SEC23A: variants seen among roughly 807,000 people sequenced by gnomAD.
SEC23A encodes SEC23 homolog A, COPII component, also known as protein transport protein Sec23A.
SEC23A carries 56 observed loss-of-function variants against 103.7 expected under a neutral mutation model. The observed-to-expected ratio is 0.54, with a 90% CI of 0.44 to 0.67. The LOEUF is 0.67. Ranked by LOEUF, SEC23A falls within the 30% of genes least tolerant of loss-of-function variation. The probability of loss-of-function intolerance (pLI) is 0.00; values close to 1 mark genes in which losing one functional copy is unlikely to be tolerated. For missense variants in SEC23A, 784 were observed against 936.4 expected, an observed-to-expected ratio of 0.84 and a Z score of 2.12; for synonymous variants, 281 against 293.0, an observed-to-expected ratio of 0.96 and a Z score of 0.42.
rs144656181 is a variant in SEC23A, at chr14:39,042,866, G to A, written c.1906C>T (p.Leu636Phe). The A allele has an allele frequency of 1.5e-4, 239 of 1,606,694 alleles. No homozygotes were observed. Among genetic ancestry groups the A allele is most frequent in the Admixed American group, 1.8e-4 (11 of 59,942 alleles). The change falls in exon 17 of 20, where the codon CTT becomes TTT. Residue 636 changes from leucine to phenylalanine, a missense_variant. Transcript: ENST00000307712. ...GCAAGAATGCTACTGCTATCAAGAA[G>A]AACCGGCTAACGTAAAGAAAACAAT... ...YSFSGPPEPV[L>F]LDSSSILADR...
rs998631747 is a variant in SEC23A at position 39,059,294 on chromosome 14, A to C, written c.1505+2471T>G. ...GTCCTAGTTTAAAAAAAAAAAAAAA[A>C]AAAAAAAAAAAAAAAACAACAAGGT... is the stretch of plus-strand genomic sequence containing the variant. On this transcript the variant is annotated intron_variant, in intron 13 of 19. Coordinates refer to ENST00000307712, the MANE Select transcript of SEC23A (RefSeq NM_006364.4). Among the ~76,000 whole-genome samples, 12 of 115,036 alleles carry C rather than the reference A, an allele frequency of 1.0e-4. 1 individual carries two copies. Among genetic ancestry groups the C allele is most frequent in the African/African-American group, 3.7e-4 (11 of 29,886 alleles). 75.5% of individuals were successfully genotyped at this position (115,036 alleles called of 152,430 possible).
At chr14:39,035,408 G>A (rs1885425863) in intron 19 of SEC23A, among the ~76,000 whole-genome samples, 1 of 152,084 alleles carries the variant, frequency 6.6e-6, no homozygotes, top group South Asian at 2.1e-4. Flanking sequence ...TATAAGAAGT[G>A]ACTTTTTTTT....
Position 39,033,276 on chromosome 14 carries a change from T to G in SEC23A, c.2261A>C (p.Asp754Ala). 6.2e-7 allele frequency: 1 copy of G among 1,613,554 alleles called. No individual in the cohort carries two copies. Among genetic ancestry groups the G allele is most frequent in the Non-Finnish European group, 8.5e-7 (1 of 1,179,540 alleles). The change falls in exon 20 of 20, where the codon GAT becomes GCT. Residue 754 changes from aspartate to alanine, a missense_variant. Physicochemically the swap from Asp to Ala is moderately radical, Grantham distance 126. Coordinates refer to ENST00000307712, the MANE Select transcript of SEC23A (RefSeq NM_006364.4). ...GGACACAGCAAGTTTCTTCAAGTGA[T>G]CCATAAACACTTGTAAACTAACATC... ...TDDVSLQVFM[D>A]HLKKLAVSSA... is the part of the protein sequence containing the mutation.
intron 5 of SEC23A, 48 bp downstream of exon 5, chr14:39,091,425 CATAT>C: frequency 1.5e-6 from 2 of 1,324,344 alleles, no homozygotes; most frequent in South Asian, 2.4e-5. Flanking sequence ...CATTTATAAA[CATAT>C]ATAGAGTAAT....
chr14:39,091,399 A>G (rs1273861574), intron 5 of SEC23A, 78 bp downstream of exon 5: 9 of 1,047,972 alleles, frequency 8.6e-6, no homozygotes, highest in Non-Finnish European at 1.3e-5. Context: ...AATTTGTCCT[A>G]GAAACATACA....
intron 5 of SEC23A, chr14:39,091,200 T>C: frequency 6.3e-6 from 3 of 474,304 alleles, no homozygotes; most frequent in East Asian, 4.2e-5. Context: ...GCCTTCAGCA[T>C]GACTCTTCAT....
chr14:39,078,297 A>G (rs886383089), intron 7 of SEC23A, among the ~76,000 whole-genome samples: 1 of 152,140 alleles, frequency 6.6e-6, no homozygotes, highest in African/African-American at 2.4e-5. Flanking sequence ...GATAGGAAAT[A>G]ATGCAAGCAG....
chr14:39,096,196 A>G (rs1324662370), intron 1 of SEC23A, 57 bp from the exon 2 acceptor site: 13 of 1,159,034 alleles, frequency 1.1e-5, no homozygotes, highest in South Asian at 6.3e-5. Flanking sequence ...AACGTTCAAA[A>G]TATGAATGTT....
rs3765499 is a variant in SEC23A, at chr14:39,095,846, C to A, written c.221+52G>T. The stretch of plus-strand genomic sequence containing the variant: ...TTTATAAAAATATGCAGAAAAACCC[C>A]GACATTTTAAAATCACATTGCCACA... On this transcript the variant is annotated intron_variant, in intron 2 of 19. Coordinates refer to ENST00000307712, the MANE Select transcript of SEC23A (RefSeq NM_006364.4). 4.4e-6 allele frequency: 6 copies of A among 1,373,374 alleles called. 1 individual carries two copies. The highest frequency in any genetic ancestry group is 2.9e-5 in the African/African-American group (2 of 69,536). 85.1% of individuals were successfully genotyped at this position (1,373,374 alleles called of 1,614,324 possible). A position where few individuals can be genotyped will look rare whatever the true frequency, so the allele number is the denominator to read the frequency against.
chr14:39,098,533 T>G (rs1466859195), intron 1 of SEC23A, among the ~76,000 whole-genome samples: 3 of 152,092 alleles, frequency 2.0e-5, no homozygotes, highest in Non-Finnish European at 4.4e-5. Flanking sequence ...CCTAGCACTT[T>G]GGGAGGCTGA....
intron 10 of SEC23A, 26 bp downstream of exon 10, chr14:39,067,147 C>T (rs1319960916): frequency 4.3e-6 from 7 of 1,612,990 alleles, no homozygotes; most frequent in African/African-American, 1.3e-5. Context: ...GATAACATAT[C>T]GCACATGTCA....
chr14:39,033,960 CTTATTAA>C (rs1266388180), intron 19 of SEC23A, among the ~76,000 whole-genome samples: 7 of 152,100 alleles, frequency 4.6e-5, no homozygotes, highest in African/African-American at 7.2e-5. Context: ...TACTCAAGTT[CTTATTAA>C]TTATAAATAT....
chr14:39,102,379 G>A (rs1204247228), intron 1 of SEC23A, among the ~76,000 whole-genome samples: 1 of 152,178 alleles, frequency 6.6e-6, no homozygotes, highest in Non-Finnish European at 1.5e-5. Flanking sequence ...GCTTTGGACG[G>A]TAGAGGTTGA....
intron 3 of SEC23A, 172 bp from the exon 4 acceptor site, chr14:39,092,799 G>C (rs1566513228): frequency 1.7e-6 from 1 of 577,238 alleles, no homozygotes; most frequent in Admixed American, 3.2e-5. Flanking sequence ...TACATGACTA[G>C]TATTTTGGCA....
chr14:39,061,997 C>A, intron 12 of SEC23A, 126 bp from the exon 13 acceptor site: 1 of 693,588 alleles, frequency 1.4e-6, no homozygotes, highest in Non-Finnish European at 2.6e-6. Context: ...TACTTATTTC[C>A]AGTGCATTCA....
intron 19 of SEC23A, among the ~76,000 whole-genome samples, chr14:39,038,580 A>C (rs1227120478): frequency 6.6e-6 from 1 of 152,140 alleles, no homozygotes; most frequent in Non-Finnish European, 1.5e-5. Context: ...CCTGGCCTCA[A>C]GTGATCCTCC....
At chr14:39,068,612 G>A (rs1290341247) in intron 9 of SEC23A, among the ~76,000 whole-genome samples, 2 of 152,028 alleles carry the variant, frequency 1.3e-5, no homozygotes, top group African/African-American at 4.8e-5. Flanking sequence ...ACACAATGGA[G>A]TAATACACTG....
At chr14:39,038,651 T>C (rs893142467) in intron 19 of SEC23A, among the ~76,000 whole-genome samples, 3 of 152,172 alleles carry the variant, frequency 2.0e-5, no homozygotes, top group Admixed American at 1.3e-4. Flanking sequence ...AGCAGGACTT[T>C]TACCAAATTA....
intron 14 of SEC23A, among the ~76,000 whole-genome samples, chr14:39,049,770 A>AC (rs763945220): frequency 1.3e-5 from 2 of 148,714 alleles, no homozygotes; most frequent in East Asian, 2.0e-4. Flanking sequence ...ACAGAGCGAG[A>AC]TTCTGTCTCG....
Sources: allele counts gnomAD v4.1 joint callset (sites outside exome capture counted in the v4.1 genomes callset), GRCh38; gene constraint gnomAD v4.1.1; transcripts MANE v1.5; gene names NCBI Gene and HGNC (gene_info 2026-07-23, HGNC 2026-07-21).